The following CDH13 variants were observed in gnomAD, a reference collection of about 807,000 sequenced individuals.
CDH13 encodes the protein cadherin-13.
CDH13 carries 24 observed loss-of-function variants against 63.8 expected under a neutral mutation model. The observed-to-expected ratio is 0.38, with a 90% confidence interval of 0.27 to 0.53. CDH13 has a LOEUF of 0.53. Ranked by LOEUF, CDH13 falls within the 20% of genes least tolerant of loss-of-function variation. The pLI is 0.85. For synonymous variants in CDH13, 503 were observed against 355.3 expected (o/e 1.42, Z -4.67); for missense variants, 1,049 against 903.1 (o/e 1.16, Z -2.07).
chr16:82,945,580 G>T (rs997366079), intron 2 of CDH13, among the ~76,000 whole-genome samples: 3 of 151,866 alleles, frequency 2.0e-5, no homozygotes, highest in Non-Finnish European at 4.4e-5. Context: ...AGGATTTTGT[G>T]TTTTTTTTCT....
At chr16:83,172,210 G>T (rs1255740999) in intron 4 of CDH13, among the ~76,000 whole-genome samples, 2 of 152,138 alleles carry the variant, frequency 1.3e-5, no homozygotes, top group Non-Finnish European at 1.5e-5. Flanking sequence ...AAGGCAGATG[G>T]CCGGGTACGG....
intron 5 of CDH13, among the ~76,000 whole-genome samples, chr16:83,239,856 G>A (rs1263242458): frequency 1.3e-5 from 2 of 152,170 alleles, no homozygotes; most frequent in Non-Finnish European, 2.9e-5. Context: ...AGGAGGATGG[G>A]GAATTTGTGG....
At position 83,384,452 on chromosome 16, in the gene CDH13, A is replaced by G. The variant is rs150144265; in HGVS notation, c.781+39446A>G. On this transcript the variant is annotated intron_variant, in intron 6 of 13. Transcript: ENST00000567109. ...GGACAGAACAATAGGGTCAAGGGTT[A>G]AGCCAAGAGGCTTATTACAAGAGGT... Among the ~76,000 whole-genome samples, 12 of 152,364 alleles carry G rather than the reference A, an allele frequency of 7.9e-5. No homozygotes were observed. The East Asian group carries it at 2.3e-3, about 29-fold the overall frequency.
chr16:83,066,651 A>G (rs1428316947), intron 3 of CDH13, among the ~76,000 whole-genome samples: 1 of 152,218 alleles, frequency 6.6e-6, no homozygotes, highest in Non-Finnish European at 1.5e-5. Context: ...TATTAATTTA[A>G]AGAACAGAAT....
At chr16:82,866,145 C>T (rs1294134930) in intron 2 of CDH13, among the ~76,000 whole-genome samples, 1 of 152,154 alleles carries the variant, frequency 6.6e-6, no homozygotes, top group Non-Finnish European at 1.5e-5. Flanking sequence ...GCCTGGACTT[C>T]ATCGTACATA....
At chr16:83,602,107 CAAAAAAAAAAAAA>C (rs869202510) in intron 7 of CDH13, among the ~76,000 whole-genome samples, 20 of 7,956 alleles carry the variant, frequency 2.5e-3, no homozygotes, top group African/African-American at 8.8e-3. Context: ...AGAACAACAA[CAAAAAAAAAAAAA>C]AAAAAAAAAA....
At chr16:83,734,302 A>G (rs762821594) in intron 10 of CDH13, among the ~76,000 whole-genome samples, 5 of 152,186 alleles carry the variant, frequency 3.3e-5, no homozygotes, top group Admixed American at 2.6e-4. Flanking sequence ...AATCACTGAG[A>G]CAAGACAAAA....
At chr16:83,061,775 C>A (rs202061291) in intron 3 of CDH13, among the ~76,000 whole-genome samples, 1 of 152,168 alleles carries the variant, frequency 6.6e-6, no homozygotes, top group Non-Finnish European at 1.5e-5. Context: ...ACCCCAGATA[C>A]GGCACTTATG....
chr16:83,598,893 C>T (rs866737949), intron 7 of CDH13, among the ~76,000 whole-genome samples: 4 of 152,180 alleles, frequency 2.6e-5, no homozygotes, highest in African/African-American at 4.8e-5. Flanking sequence ...TTTCCCTAAG[C>T]GTTCTGAAAG....
chr16:82,943,065 C>CA (rs1012307964), intron 2 of CDH13, among the ~76,000 whole-genome samples: 2 of 152,044 alleles, frequency 1.3e-5, no homozygotes, highest in African/African-American at 4.8e-5. Context: ...AATATGTGTC[C>CA]AAAAAATCTT....
At chr16:83,119,363 T>C (rs1442160883) in intron 3 of CDH13, among the ~76,000 whole-genome samples, 1 of 152,204 alleles carries the variant, frequency 6.6e-6, no homozygotes, top group African/African-American at 2.4e-5. Context: ...CCCTCCTGAA[T>C]GCAATTCCTC....
At chr16:82,870,213 A>G (rs2040295474) in intron 2 of CDH13, among the ~76,000 whole-genome samples, 1 of 152,206 alleles carries the variant, frequency 6.6e-6, no homozygotes, top group Non-Finnish European at 1.5e-5. Context: ...ATATGAAAAA[A>G]TGTCCAACCT....
intron 1 of CDH13, among the ~76,000 whole-genome samples, chr16:82,781,902 C>T (rs1401084988): frequency 3.3e-5 from 5 of 152,196 alleles, no homozygotes; most frequent in Non-Finnish European, 7.4e-5. Context: ...AGAACTGTGC[C>T]GTGTTGCTGT....
intron 1 of CDH13, among the ~76,000 whole-genome samples, chr16:82,738,515 A>C (rs1354957912): frequency 2.0e-5 from 3 of 152,172 alleles, no homozygotes; most frequent in Non-Finnish European, 2.9e-5. Context: ...CTCACAAGCT[A>C]GTTTCCAAAT....
chr16:82,953,525 G>A (rs1905597125), intron 2 of CDH13: 1 of 152,210 alleles, frequency 6.6e-6, no homozygotes, highest in Non-Finnish European at 1.5e-5. Flanking sequence ...GCTTTTGACT[G>A]AAATGATATT....
chr16:82,774,456 A>G (rs2151101931), intron 1 of CDH13, among the ~76,000 whole-genome samples: 1 of 152,288 alleles, frequency 6.6e-6, no homozygotes, highest in South Asian at 2.1e-4. Context: ...AAATATACAT[A>G]ACATAGAGGA....
At chr16:82,793,380 G>C (rs1223556085) in intron 1 of CDH13, among the ~76,000 whole-genome samples, 1 of 114,656 alleles carries the variant, frequency 8.7e-6, no homozygotes, top group African/African-American at 2.8e-5. Context: ...GAAAAGGGAG[G>C]GAAAAAAAAA....
chr16:82,847,836 G>A (rs748594754), intron 1 of CDH13, among the ~76,000 whole-genome samples: 33 of 151,678 alleles, frequency 2.2e-4, no homozygotes, highest in Non-Finnish European at 4.4e-4. Context: ...TTTGGACTTA[G>A]GTTAGTTTTG....
chr16:83,743,784 C>T (rs1258517839), intron 10 of CDH13, among the ~76,000 whole-genome samples: 1 of 38,370 alleles, frequency 2.6e-5, no homozygotes, highest in Non-Finnish European at 4.8e-5. Context: ...TTTTTCCATC[C>T]CCATGATTGT....
Sources: allele counts gnomAD v4.1 joint callset (sites outside exome capture counted in the v4.1 genomes callset), GRCh38; gene constraint gnomAD v4.1.1; transcripts MANE v1.5; gene names NCBI Gene and HGNC (gene_info 2026-07-23, HGNC 2026-07-21).